DMTF1: variants seen among roughly 807,000 people sequenced by gnomAD.
The protein encoded by DMTF1 is cyclin D binding myb like transcription factor 1, also known as cyclin-D-binding Myb-like transcription factor 1.
DMTF1 carries 39 observed loss-of-function variants against 91.1 expected under a neutral mutation model. That is an observed-to-expected ratio of 0.43 (90% CI 0.33 to 0.56). The LOEUF (loss-of-function observed/expected upper bound fraction) is 0.56. Ranked by LOEUF, DMTF1 falls within the 20% of genes least tolerant of loss-of-function variation. DMTF1 has a pLI of 0.05. For missense variants in DMTF1, 750 were observed against 914.5 expected, an observed-to-expected ratio of 0.82 and a Z score of 2.32; for synonymous variants, 338 against 309.5, an observed-to-expected ratio of 1.09 and a Z score of -0.97.
At chr7:87,176,113 A>G (rs887073884) in intron 7 of DMTF1, among the ~76,000 whole-genome samples, 1 of 152,200 alleles carries the variant, frequency 6.6e-6, no homozygotes, top group Non-Finnish European at 1.5e-5. Context: ...TTTCCACTCT[A>G]CACTAATGTA....
chr7:87,176,012 C>G (rs148788360), intron 7 of DMTF1, among the ~76,000 whole-genome samples: 2 of 152,248 alleles, frequency 1.3e-5, no homozygotes, highest in Non-Finnish European at 2.9e-5. Flanking sequence ...AGTGTTATGT[C>G]TAAAATGTAG....
At chr7:87,191,953 A>AG (rs1799909619) in intron 14 of DMTF1, among the ~76,000 whole-genome samples, 1 of 152,154 alleles carries the variant, frequency 6.6e-6, no homozygotes, top group African/African-American at 2.4e-5. Flanking sequence ...AAATCCCAAG[A>AG]GGATGGCCAC....
chr7:87,181,231 A>G, intron 8 of DMTF1, 78 bp from the exon 9 acceptor site: 1 of 702,522 alleles, frequency 1.4e-6, no homozygotes, highest in Non-Finnish European at 2.5e-6. Flanking sequence ...AGCTCCCTAA[A>G]TGAAATTCTG....
At position 87,194,673 on chromosome 7, in the gene DMTF1, A is replaced by ATGTT; in HGVS notation, c.2029-10_2029-7dup. The ATGTT allele has an allele frequency of 6.3e-7, 1 of 1,580,416 alleles. No homozygotes were observed. Among genetic ancestry groups the ATGTT allele is most frequent in the South Asian group, 1.1e-5 (1 of 88,618 alleles). Reference sequence around the variant, plus strand: ...AATATGAGTCAATATTTTTTTTTTAATGTTATTTAGGGTTTAGAGTCTCCC... The same window carrying ATGTT: ...AATATGAGTCAATATTTTTTTTTTAATGTTTGTTATTTAGGGTTTAGAGTCTCCC... On this transcript the variant is annotated splice_polypyrimidine_tract_variant and intron_variant, in intron 16 of 17. Transcript: ENST00000331242.
Position 87,195,066 on chromosome 7 carries a change from A to G in DMTF1, c.2209A>G (p.Ile737Val). 6.2e-7 allele frequency: 1 copy of G among 1,612,306 alleles called. No homozygotes were observed. The highest frequency in any genetic ancestry group is 1.1e-5 in the South Asian group (1 of 90,976). Residue 737 changes from isoleucine to valine, a missense_variant, in exon 18 of 18, where the codon ATC becomes GTC. Physicochemically the swap from Ile to Val is conservative, Grantham distance 29. Coordinates refer to ENST00000331242, the MANE Select transcript of DMTF1 (RefSeq NM_001142327.2). Reference sequence around the variant, plus strand: ...CCAACATCATCAGGAAGAATCAAATATCATTGGATCATCCTTGGGCAGTCC... The same window carrying G: ...CCAACATCATCAGGAAGAATCAAATGTCATTGGATCATCCTTGGGCAGTCC... ...ILQHHQEESN[I>V]IGSSLGSPVS...
intron 14 of DMTF1, chr7:87,192,466 G>A (rs1307464510): frequency 6.6e-6 from 1 of 151,996 alleles, no homozygotes; most frequent in Non-Finnish European, 1.5e-5. Flanking sequence ...TTAGCAATAA[G>A]GAAACCTATA....
At chr7:87,175,638 A>G (rs1796107764) in intron 7 of DMTF1, among the ~76,000 whole-genome samples, 1 of 152,218 alleles carries the variant, frequency 6.6e-6, no homozygotes, top group Admixed American at 6.5e-5. Context: ...TTTTTAGAGC[A>G]GTTATGGAAA....
At chr7:87,181,605 C>T (rs1448174576) in intron 9 of DMTF1, among the ~76,000 whole-genome samples, 6 of 152,078 alleles carry the variant, frequency 3.9e-5, no homozygotes, top group Non-Finnish European at 8.8e-5. Flanking sequence ...ATTAAGGGGC[C>T]ATTTTTGGTA....
At chr7:87,168,459 G>C (rs73206945) in intron 4 of DMTF1, among the ~76,000 whole-genome samples, 1 of 151,946 alleles carries the variant, frequency 6.6e-6, no homozygotes. Flanking sequence ...TTCCTGTAGG[G>C]CTCTAACTCT....
At position 87,190,935 on chromosome 7, in the gene DMTF1, C is replaced by G; in HGVS notation, c.1412-10C>G. 1.2e-6 allele frequency: 2 copies of G among 1,604,244 alleles called. No homozygotes were observed. Among genetic ancestry groups the G allele is most frequent in the Middle Eastern group, 1.7e-4 (1 of 6,020 alleles). On this transcript the variant is annotated splice_polypyrimidine_tract_variant and intron_variant, in intron 13 of 17. Transcript: ENST00000331242. ...TATTCTTACCACAGCTTACCTTATTCTTACCACAGCTTCAGCAGACTCTCC... is the reference window on the plus strand; with the variant it reads ...TATTCTTACCACAGCTTACCTTATTGTTACCACAGCTTCAGCAGACTCTCC...
rs976194160 is a variant in DMTF1 at position 87,195,303 on chromosome 7, T to TA, written c.*166dup. ...TGCTGCTATGACTTTTTACCTCCTTTAAACACATCATCTGAGGTTGAGTTT... is the reference window on the plus strand; with the variant it reads ...TGCTGCTATGACTTTTTACCTCCTTTAAAACACATCATCTGAGGTTGAGTTT... On this transcript the variant is annotated 3_prime_UTR_variant, in exon 18 of 18. Coordinates refer to ENST00000331242, the MANE Select transcript of DMTF1 (RefSeq NM_001142327.2). The TA allele has an allele frequency of 5.4e-6, 3 of 558,884 alleles. No homozygotes were observed. In the African/African-American group the frequency reaches 5.7e-5, roughly 11 times the overall value. 34.6% of individuals were successfully genotyped at this position (558,884 alleles called of 1,614,324 possible). A position where few individuals can be genotyped will look rare whatever the true frequency, so the allele number is the denominator to read the frequency against.
chr7:87,193,038 G>C (rs1800241265), intron 14 of DMTF1, 160 bp from the exon 15 acceptor site: 1 of 663,694 alleles, frequency 1.5e-6, no homozygotes, highest in African/African-American at 1.8e-5. Context: ...AAACCTTCAG[G>C]CTAGGTAATG....
At chr7:87,181,402 T>C in intron 9 of DMTF1, 61 bp downstream of exon 9, 1 of 841,634 alleles carries the variant, frequency 1.2e-6, no homozygotes, top group Non-Finnish European at 1.9e-6. Flanking sequence ...CTTAAAAGTT[T>C]TACTTTGAAA....
At chr7:87,166,864 C>T (rs1166589422) in intron 4 of DMTF1, among the ~76,000 whole-genome samples, 3 of 151,336 alleles carry the variant, frequency 2.0e-5, no homozygotes, top group African/African-American at 7.3e-5. Context: ...ACTTTTATTC[C>T]TGATTGTGCT....
chr7:87,169,544 G>A (rs1794618631), intron 4 of DMTF1, among the ~76,000 whole-genome samples: 1 of 152,028 alleles, frequency 6.6e-6, no homozygotes, highest in Non-Finnish European at 1.5e-5. Context: ...CTTGAAAATT[G>A]CCTATATTTG....
intron 4 of DMTF1, 106 bp downstream of exon 4, chr7:87,166,711 T>C: frequency 8.8e-7 from 1 of 1,133,366 alleles, no homozygotes; most frequent in Non-Finnish European, 1.3e-6. Flanking sequence ...TACTGCTTTT[T>C]TCTTCATTTA....
At chr7:87,188,024 T>C (rs1798854844) in intron 12 of DMTF1, 68 bp from the exon 13 acceptor site, 1 of 1,288,156 alleles carries the variant, frequency 7.8e-7, no homozygotes, top group African/African-American at 1.5e-5. Context: ...TCCCCCCACC[T>C]CCCTTGCTGC....
intron 15 of DMTF1, 120 bp downstream of exon 15, chr7:87,193,473 AGT>A: frequency 1.9e-6 from 2 of 1,029,740 alleles, no homozygotes; most frequent in Non-Finnish European, 2.9e-6. Context: ...TTCCAGGCAC[AGT>A]GTTATACACC....
intron 4 of DMTF1, among the ~76,000 whole-genome samples, chr7:87,169,321 T>C (rs1051934976): frequency 1.3e-5 from 2 of 152,034 alleles, no homozygotes; most frequent in African/African-American, 4.8e-5. Flanking sequence ...TAGCTGGGTG[T>C]GGTGGTGCAC....
Sources: allele counts gnomAD v4.1 joint callset (sites outside exome capture counted in the v4.1 genomes callset), GRCh38; gene constraint gnomAD v4.1.1; transcripts MANE v1.5; gene names NCBI Gene and HGNC (gene_info 2026-07-23, HGNC 2026-07-21).